PLCXD3: variants seen among roughly 807,000 people sequenced by gnomAD.
PLCXD3 encodes the protein phosphatidylinositol specific phospholipase C X domain containing 3, also known as PI-PLC X domain-containing protein 3.
In PLCXD3, 19 loss-of-function variants were observed where a neutral mutation model predicts 25.5. That is an observed-to-expected ratio of 0.75 (90% CI 0.52 to 1.09). The LOEUF is 1.09. Among genes scored for constraint, PLCXD3 ranks in the 50% least tolerant of loss-of-function variants. The pLI, the probability that PLCXD3 is intolerant of heterozygous loss-of-function variation, is 0.00. For synonymous variants in PLCXD3, 174 were observed against 137.6 expected (o/e 1.26, Z -1.85); for missense variants, 411 against 388.1 (o/e 1.06, Z -0.50).
chr5:41,489,537 C>T (rs2150525071), intron 1 of PLCXD3, among the ~76,000 whole-genome samples: 1 of 152,242 alleles, frequency 6.6e-6, no homozygotes, highest in Admixed American at 6.5e-5. Flanking sequence ...GCAATTTTCA[C>T]AATATTGATT....
chr5:41,447,381 T>C (rs1028176763), intron 1 of PLCXD3, among the ~76,000 whole-genome samples: 2 of 152,230 alleles, frequency 1.3e-5, no homozygotes, highest in Non-Finnish European at 2.9e-5. Flanking sequence ...AGACCAAGCA[T>C]CTTGTCAATT....
chr5:41,329,529 A>T (rs1275745462), intron 2 of PLCXD3, among the ~76,000 whole-genome samples: 3 of 152,190 alleles, frequency 2.0e-5, no homozygotes, highest in Non-Finnish European at 4.4e-5. Flanking sequence ...AGTATTCCTC[A>T]TGTGGCTACT....
chr5:41,329,664 G>T (rs1032483313), intron 2 of PLCXD3, among the ~76,000 whole-genome samples: 1 of 151,658 alleles, frequency 6.6e-6, no homozygotes, highest in Non-Finnish European at 1.5e-5. Flanking sequence ...AATTTGAAAG[G>T]TGCCTTTCCT....
At chr5:41,400,329 A>G (rs1411085081) in intron 1 of PLCXD3, among the ~76,000 whole-genome samples, 1 of 152,124 alleles carries the variant, frequency 6.6e-6, no homozygotes, top group Non-Finnish European at 1.5e-5. Flanking sequence ...TAGCCATCCC[A>G]CTGCTGGGTA....
At position 41,312,795 on chromosome 5, in the gene PLCXD3, A is replaced by C. The variant is rs1743174073; in HGVS notation, c.*822T>G. On this transcript the variant is annotated 3_prime_UTR_variant, in exon 3 of 3. Coordinates refer to ENST00000377801, the MANE Select transcript of PLCXD3 (RefSeq NM_001005473.3). ...GGGCTTTTTAAAGAGTTATTTTCAG[A>C]GTTTTCAATTTTAACACACTTGTAC... The C allele has an allele frequency of 6.7e-6, 1 of 149,810 alleles. No individual in the cohort carries two copies. Among genetic ancestry groups the C allele is most frequent in the African/African-American group, 2.5e-5 (1 of 40,388 alleles). The allele number at this position is 149,810 out of a possible 1,614,324, so 9.3% of individuals were successfully genotyped here.
At chr5:41,426,716 A>T (rs548212670) in intron 1 of PLCXD3, among the ~76,000 whole-genome samples, 55 of 152,134 alleles carry the variant, frequency 3.6e-4, no homozygotes, top group African/African-American at 1.2e-3. Flanking sequence ...ATTCATTTAG[A>T]TTTACATACA....
At chr5:41,387,541 T>C (rs1375808399) in intron 1 of PLCXD3, among the ~76,000 whole-genome samples, 1 of 152,086 alleles carries the variant, frequency 6.6e-6, no homozygotes, top group South Asian at 2.1e-4. Context: ...TTTTTAGACT[T>C]TATGTGTAAA....
chr5:41,449,962 T>C (rs1208857761), intron 1 of PLCXD3, among the ~76,000 whole-genome samples: 3 of 152,102 alleles, frequency 2.0e-5, no homozygotes, highest in Non-Finnish European at 4.4e-5. Context: ...CTGAATACCA[T>C]TATAATTTTA....
In PLCXD3 at chr5:41,381,826, C is replaced by G. The variant is rs866875091; in HGVS notation, c.812G>C (p.Arg271Thr). ...ASGLRETITERALPAMMQWVR... is the reference protein window; with the variant it reads ...ASGLRETITETALPAMMQWVR... Reference sequence around the variant, plus strand: ...CCCCTGACATTTTAAAGACACTTACCTTTCTGTGATTGTTTCTCTGAGGCC... The same window carrying G: ...CCCCTGACATTTTAAAGACACTTACGTTTCTGTGATTGTTTCTCTGAGGCC... Residue 271 changes from arginine (R) to threonine (T), a missense_variant and splice_region_variant, in exon 2 of 3, where the codon AGA becomes ACA. Arg to Thr is a moderately conservative substitution (Grantham distance 71). Transcript: ENST00000377801. 6.2e-7 allele frequency: 1 copy of G among 1,601,432 alleles called. No homozygotes were observed. The highest frequency in any genetic ancestry group is 1.1e-5 in the South Asian group (1 of 89,824).
chr5:41,328,965 G>A (rs905156488), intron 2 of PLCXD3, among the ~76,000 whole-genome samples: 1 of 152,100 alleles, frequency 6.6e-6, no homozygotes, highest in African/African-American at 2.4e-5. Flanking sequence ...AGGTAAAAAT[G>A]CTTAACTGGC....
rs28533647 is a variant in PLCXD3 at position 41,387,477 on chromosome 5, T to G, written c.104-4943A>C. 3.9e-3 allele frequency among the ~76,000 whole-genome samples: 592 copies of G among 152,240 alleles called. 2 individuals are homozygous for G. The highest frequency in any genetic ancestry group is 0.014 in the African/African-American group (574 of 41,564). On this transcript the variant is annotated intron_variant, in intron 1 of 2. Transcript: ENST00000377801. Reference sequence around the variant, plus strand: ...TACTTAAGATCATCTCTATATGTAGTGTCATACGAGTATTACAGTATAGTT... The same window carrying G: ...TACTTAAGATCATCTCTATATGTAGGGTCATACGAGTATTACAGTATAGTT...
chr5:41,440,696 C>T (rs1302897892), intron 1 of PLCXD3, among the ~76,000 whole-genome samples: 1 of 152,072 alleles, frequency 6.6e-6, no homozygotes, highest in Non-Finnish European at 1.5e-5. Flanking sequence ...TATTATGATT[C>T]TGATTTGGAC....
At chr5:41,324,611 G>T (rs1743569633) in intron 2 of PLCXD3, among the ~76,000 whole-genome samples, 1 of 152,166 alleles carries the variant, frequency 6.6e-6, no homozygotes, top group Admixed American at 6.5e-5. Flanking sequence ...TGAATATACA[G>T]ACATGAGTGT....
chr5:41,425,560 G>A (rs765040832), intron 1 of PLCXD3, among the ~76,000 whole-genome samples: 3 of 152,086 alleles, frequency 2.0e-5, no homozygotes, highest in Non-Finnish European at 2.9e-5. Flanking sequence ...AATGTATAAT[G>A]ACATTTATCT....
intron 1 of PLCXD3, among the ~76,000 whole-genome samples, chr5:41,394,178 T>C (rs886190834): frequency 6.6e-6 from 1 of 152,160 alleles, no homozygotes; most frequent in Non-Finnish European, 1.5e-5. Context: ...TTTATTAGTT[T>C]TCTTTCTGCT....
Position 41,484,403 on chromosome 5 carries a change from A to G in PLCXD3, c.103+26021T>C, listed in dbSNP as rs1051395427. The stretch of plus-strand genomic sequence containing the variant: ...TTGAGCAACTTTTTGCAAAGTGTTT[A>G]TCCTTGCATTTCTAGGCTTTGAAGT... On this transcript the variant is annotated intron_variant, in intron 1 of 2. Coordinates refer to ENST00000377801, the MANE Select transcript of PLCXD3 (RefSeq NM_001005473.3). 2.0e-5 allele frequency among the ~76,000 whole-genome samples: 3 copies of G among 152,130 alleles called. No individual in the cohort carries two copies. The South Asian group carries it at 6.2e-4, about 31-fold the overall frequency.
intron 1 of PLCXD3, chr5:41,456,603 A>T (rs553824517): frequency 1.2e-6 from 1 of 809,428 alleles, no homozygotes. Context: ...CTCCAAATTC[A>T]TATGTTGAAA....
intron 1 of PLCXD3, among the ~76,000 whole-genome samples, chr5:41,502,546 G>A: frequency 6.6e-6 from 1 of 152,076 alleles, no homozygotes; most frequent in East Asian, 1.9e-4. Flanking sequence ...GTTGATTTGA[G>A]AATCAAGAAG....
chr5:41,333,217 A>G (rs945759815), intron 2 of PLCXD3, among the ~76,000 whole-genome samples: 4 of 152,124 alleles, frequency 2.6e-5, no homozygotes, highest in Non-Finnish European at 5.9e-5. Flanking sequence ...ATTGATCTGC[A>G]AAGTTTAAAA....
Sources: allele counts gnomAD v4.1 joint callset (sites outside exome capture counted in the v4.1 genomes callset), GRCh38; gene constraint gnomAD v4.1.1; transcripts MANE v1.5; gene names NCBI Gene and HGNC (gene_info 2026-07-23, HGNC 2026-07-21).